Variants in ZNF83 observed in about 807,000 individuals in gnomAD.
ZNF83 encodes the protein zinc finger protein 83, also known as zinc finger protein 816B.
For synonymous variants in ZNF83, 209 were observed against 213.0 expected, an observed-to-expected ratio of 0.98 and a Z score of 0.17; for missense variants, 552 against 629.9, an observed-to-expected ratio of 0.88 and a Z score of 1.32.
At chr19:52,634,252 A>G (rs1324436301) in intron 2 of ZNF83, among the ~76,000 whole-genome samples, 1 of 151,096 alleles carries the variant, frequency 6.6e-6, no homozygotes, top group Non-Finnish European at 1.5e-5. Context: ...AGCCTGGGTG[A>G]CAGAGCAAGA....
At chr19:52,651,728 A>C (rs1171083993) in intron 3 of ZNF83, 1 of 157,300 alleles carries the variant, frequency 6.4e-6, no homozygotes, top group Non-Finnish European at 1.4e-5. Flanking sequence ...AAAAGAAAGA[A>C]AGAAGGAAAG....
chr19:52,618,272 T>C (rs2060390830), intron 2 of ZNF83, among the ~76,000 whole-genome samples: 1 of 151,750 alleles, frequency 6.6e-6, no homozygotes, highest in Non-Finnish European at 1.5e-5. Flanking sequence ...TTGTGTTTTT[T>C]TTTTTTTGAG....
Position 52,656,312 on chromosome 19 carries a change from A to T in ZNF83, c.-200-625T>A, listed in dbSNP as rs918002385. 2.0e-5 allele frequency among the ~76,000 whole-genome samples: 3 copies of T among 151,964 alleles called. 1 individual carries two copies. Among genetic ancestry groups the T allele is most frequent in the African/African-American group, 7.3e-5 (3 of 41,366 alleles). On this transcript the variant is annotated intron_variant, in intron 2 of 5. Transcript: ENST00000594682. ...CAAGGTAGGTGGATCACTTAAGGTC[A>T]GGAGTTTGAGACCAACCTGGGCTAC...
intron 3 of ZNF83, among the ~76,000 whole-genome samples, chr19:52,646,943 C>A (rs983914448): frequency 6.6e-6 from 1 of 152,180 alleles, no homozygotes; most frequent in Non-Finnish European, 1.5e-5. Flanking sequence ...GATTTACTGT[C>A]TTTGTCCTGC....
chr19:52,666,750 C>G (rs1345077055), intron 1 of ZNF83, among the ~76,000 whole-genome samples: 1 of 151,798 alleles, frequency 6.6e-6, no homozygotes, highest in Non-Finnish European at 1.5e-5. Context: ...AGCAGGTTTT[C>G]TAACAGGGGG....
chr19:52,615,306 T>G (rs1464754282), intron 2 of ZNF83, among the ~76,000 whole-genome samples: 1 of 150,216 alleles, frequency 6.7e-6, no homozygotes. Context: ...TATTATGTTA[T>G]TGCAAGTGGG....
chr19:52,612,871 C>G (rs1325741584), exon 3 of ZNF83: 6 of 672,082 alleles, frequency 8.9e-6, no homozygotes, highest in Non-Finnish European at 1.5e-5. Context: ...AAGTTTCTGT[C>G]CTCTATGGTC....
chr19:52,687,298 T>C (rs1457282679), intron 1 of ZNF83, among the ~76,000 whole-genome samples: 1 of 143,782 alleles, frequency 7.0e-6, no homozygotes, highest in East Asian at 2.0e-4. Context: ...GAGACCAGCT[T>C]GGGAATTTAA....
intron 2 of ZNF83, among the ~76,000 whole-genome samples, chr19:52,622,676 T>C (rs2060591858): frequency 6.6e-6 from 1 of 152,224 alleles, no homozygotes; most frequent in South Asian, 2.1e-4. Flanking sequence ...TCATGGTTCA[T>C]CTGGCAGCAA....
chr19:52,680,762 G>A (rs532915056), intron 1 of ZNF83, among the ~76,000 whole-genome samples: 46 of 143,888 alleles, frequency 3.2e-4, no homozygotes, highest in South Asian at 2.0e-3. Context: ...ACAGGCGCCC[G>A]CCACTACGCC....
At chr19:52,683,531 G>C (rs2061963328) in intron 1 of ZNF83, among the ~76,000 whole-genome samples, 1 of 62,284 alleles carries the variant, frequency 1.6e-5, no homozygotes, top group African/African-American at 9.8e-5. Context: ...CAAAGGGAAG[G>C]GCAAAGTCCC....
chr19:52,687,645 A>ATGTG (rs1568589204), intron 1 of ZNF83, among the ~76,000 whole-genome samples: 1 of 26,904 alleles, frequency 3.7e-5, no homozygotes, highest in African/African-American at 4.0e-4. Context: ...ATATATATAT[A>ATGTG]TATATATATA....
intron 2 of ZNF83, among the ~76,000 whole-genome samples, chr19:52,660,350 G>A (rs948533518): frequency 6.6e-6 from 1 of 152,064 alleles, no homozygotes; most frequent in Non-Finnish European, 1.5e-5. Flanking sequence ...ATGCTCACAG[G>A]CAGCCAGTGT....
At chr19:52,651,430 A>G (rs892837353) in intron 3 of ZNF83, 4 of 152,240 alleles carry the variant, frequency 2.6e-5, no homozygotes, top group African/African-American at 9.7e-5. Flanking sequence ...CCCAAAGTGT[A>G]TATCTATGCT....
intron 1 of ZNF83, among the ~76,000 whole-genome samples, chr19:52,689,912 G>A (rs1239185006): frequency 6.6e-6 from 1 of 152,238 alleles, no homozygotes; most frequent in Non-Finnish European, 1.5e-5. Context: ...CGCGGGCTCA[G>A]GAGAAGCGGT....
chr19:52,668,138 C>T (rs766009697), intron 1 of ZNF83, among the ~76,000 whole-genome samples: 13 of 152,278 alleles, frequency 8.5e-5, no homozygotes, highest in Non-Finnish European at 1.9e-4. Context: ...GCGCCAGCTT[C>T]GGAGTTTCCA....
intron 1 of ZNF83, among the ~76,000 whole-genome samples, chr19:52,670,829 A>G (rs547439183): frequency 1.3e-5 from 2 of 152,326 alleles, no homozygotes; most frequent in South Asian, 4.1e-4. Flanking sequence ...GGTAAATTTA[A>G]ACATTTTCTG....
At chr19:52,627,793 A>AT (rs1209188645) in intron 2 of ZNF83, among the ~76,000 whole-genome samples, 1 of 152,162 alleles carries the variant, frequency 6.6e-6, no homozygotes, top group East Asian at 1.9e-4. Flanking sequence ...AAAAATGAAT[A>AT]TTGTCAGGCC....
chr19:52,622,737 A>T (rs1329276077), intron 2 of ZNF83, among the ~76,000 whole-genome samples: 4 of 151,900 alleles, frequency 2.6e-5, no homozygotes, highest in African/African-American at 9.7e-5. Context: ...AGGCTGTCTC[A>T]TTCTCAATAT....
Sources: allele counts gnomAD v4.1 joint callset (sites outside exome capture counted in the v4.1 genomes callset), GRCh38; gene constraint gnomAD v4.1.1; transcripts MANE v1.5; gene names NCBI Gene and HGNC (gene_info 2026-07-23, HGNC 2026-07-21).